Variants in APBB2 observed in about 807,000 individuals in gnomAD.
APBB2 encodes Fe65-like 1.
Under a neutral mutation model 82.5 loss-of-function variants are expected in APBB2, and 38 were observed. That is an observed-to-expected ratio of 0.46 (90% CI 0.36 to 0.60). The LOEUF is 0.60. Ranked by LOEUF, APBB2 falls within the 20% of genes least tolerant of loss-of-function variation. The probability of loss-of-function intolerance (pLI) is 0.00; values close to 1 mark genes in which losing one functional copy is unlikely to be tolerated. For synonymous variants in APBB2, 341 were observed against 368.2 expected, an observed-to-expected ratio of 0.93 and a Z score of 0.85; for missense variants, 772 against 972.3, an observed-to-expected ratio of 0.79 and a Z score of 2.74.
chr4:40,983,229 A>G (rs1327778333), intron 6 of APBB2, among the ~76,000 whole-genome samples: 2 of 152,184 alleles, frequency 1.3e-5, no homozygotes, highest in African/African-American at 4.8e-5. Context: ...CTGGGATTCA[A>G]GCCCAGGCAG....
At chr4:40,999,827 A>G (rs922783409) in intron 6 of APBB2, among the ~76,000 whole-genome samples, 2 of 152,094 alleles carry the variant, frequency 1.3e-5, no homozygotes, top group Non-Finnish European at 2.9e-5. Flanking sequence ...TACCACTAGT[A>G]TAAATAATTG....
intron 1 of APBB2, among the ~76,000 whole-genome samples, chr4:41,157,065 C>CAAAA (rs1302613201): frequency 2.7e-5 from 2 of 72,806 alleles, no homozygotes; most frequent in Admixed American, 1.5e-4. Flanking sequence ...GACTCTGTCT[C>CAAAA]AAAAAAAAAA....
At chr4:40,904,991 G>C (rs1419004539) in intron 10 of APBB2, among the ~76,000 whole-genome samples, 1 of 152,000 alleles carries the variant, frequency 6.6e-6, no homozygotes, top group African/African-American at 2.4e-5. Context: ...TGAAGCCCTG[G>C]GCCCACTACT....
intron 2 of APBB2, among the ~76,000 whole-genome samples, chr4:41,125,932 C>G (rs1157135227): frequency 6.6e-6 from 1 of 152,178 alleles, no homozygotes; most frequent in Non-Finnish European, 1.5e-5. Context: ...AGAATCTCAT[C>G]TAGTCAGCTG....
chr4:41,200,427 A>G (rs1196237173), intron 1 of APBB2, among the ~76,000 whole-genome samples: 1 of 152,178 alleles, frequency 6.6e-6, no homozygotes, highest in African/African-American at 2.4e-5. Flanking sequence ...TACCACTATT[A>G]ACATGGAATA....
chr4:40,934,792 A>T (rs149095471), intron 8 of APBB2, 93 bp from the exon 9 acceptor site: 1 of 933,682 alleles, frequency 1.1e-6, no homozygotes, highest in East Asian at 2.5e-5. Flanking sequence ...TCCCAGCAAG[A>T]GGCAGAGAGT....
intron 4 of APBB2, among the ~76,000 whole-genome samples, chr4:41,035,925 C>G (rs901870444): frequency 9.2e-5 from 14 of 152,100 alleles, no homozygotes; most frequent in Non-Finnish European, 1.5e-4. Context: ...CTGGGAGACA[C>G]AGGTGGGAGG....
intron 10 of APBB2, among the ~76,000 whole-genome samples, chr4:40,915,958 C>CT (rs1779732502): frequency 6.6e-6 from 1 of 152,128 alleles, no homozygotes; most frequent in South Asian, 2.1e-4. Context: ...GTCCTGGGCC[C>CT]TGTGTGAGTG....
At chr4:40,849,458 T>C (rs1231595343) in intron 12 of APBB2, among the ~76,000 whole-genome samples, 2 of 152,240 alleles carry the variant, frequency 1.3e-5, no homozygotes, top group African/African-American at 4.8e-5. Flanking sequence ...TTCCCTCGTA[T>C]ATTGATTTCT....
At chr4:41,045,943 T>C (rs1013183288) in intron 4 of APBB2, among the ~76,000 whole-genome samples, 1 of 152,202 alleles carries the variant, frequency 6.6e-6, no homozygotes, top group African/African-American at 2.4e-5. Context: ...TCTGATGTTT[T>C]ATAAGTTGCT....
intron 1 of APBB2, among the ~76,000 whole-genome samples, chr4:41,144,547 G>C (rs1379795136): frequency 1.3e-5 from 2 of 152,158 alleles, no homozygotes; most frequent in South Asian, 4.1e-4. Flanking sequence ...CAGAAATGGG[G>C]TATCTATGCT....
At chr4:40,909,459 T>G (rs1777963096) in intron 10 of APBB2, among the ~76,000 whole-genome samples, 1 of 152,164 alleles carries the variant, frequency 6.6e-6, no homozygotes, top group Non-Finnish European at 1.5e-5. Flanking sequence ...CAGCCAGGAT[T>G]CTTGACGATT....
At chr4:41,136,477 G>A (rs1757595158) in intron 2 of APBB2, among the ~76,000 whole-genome samples, 1 of 152,174 alleles carries the variant, frequency 6.6e-6, no homozygotes, top group African/African-American at 2.4e-5. Context: ...ATGTTTTTAG[G>A]AGGTGATATT....
intron 7 of APBB2, chr4:40,935,438 A>T (rs1785156629): frequency 2.9e-6 from 1 of 345,512 alleles, no homozygotes; most frequent in Non-Finnish European, 5.2e-6. Context: ...CAAACAATAT[A>T]ATTCCAAGTA....
intron 6 of APBB2, among the ~76,000 whole-genome samples, chr4:40,969,868 T>C (rs947832717): frequency 3.3e-5 from 5 of 152,236 alleles, no homozygotes; most frequent in East Asian, 1.9e-4. Flanking sequence ...CTTTAAGTAA[T>C]AGAATCAGGC....
intron 6 of APBB2, among the ~76,000 whole-genome samples, chr4:40,993,625 C>CA (rs1423630349): frequency 6.6e-6 from 1 of 151,972 alleles, no homozygotes; most frequent in Non-Finnish European, 1.5e-5. Context: ...TGGCCTCAAG[C>CA]AATCCTCCTG....
intron 6 of APBB2, among the ~76,000 whole-genome samples, chr4:41,007,584 C>T (rs1348537150): frequency 6.6e-6 from 1 of 152,112 alleles, no homozygotes; most frequent in South Asian, 2.1e-4. Context: ...GAATTAGTGG[C>T]CCCAATTCTT....
chr4:40,881,518 C>CT (rs1179365156), intron 12 of APBB2: 1 of 175,778 alleles, frequency 5.7e-6, no homozygotes, highest in African/African-American at 3.3e-5. Context: ...TTCCTTTTAT[C>CT]TTTTCTTTTC....
At chr4:41,025,960 A>AAAG (rs1553914534) in intron 5 of APBB2, among the ~76,000 whole-genome samples, 1 of 150,170 alleles carries the variant, frequency 6.7e-6, no homozygotes, top group Admixed American at 6.6e-5. Flanking sequence ...AAAAAAAAAA[A>AAAG]AAAGAAAAAA....
Sources: allele counts gnomAD v4.1 joint callset (sites outside exome capture counted in the v4.1 genomes callset), GRCh38; gene constraint gnomAD v4.1.1; transcripts MANE v1.5; gene names NCBI Gene and HGNC (gene_info 2026-07-23, HGNC 2026-07-21).